Variants in GALNTL6 observed in about 807,000 individuals in gnomAD.
GALNTL6 encodes the protein polypeptide N-acetylgalactosaminyltransferase like 6, also known as polypeptide N-acetylgalactosaminyltransferase-like 6.
GALNTL6 carries 46 observed loss-of-function variants against 73.7 expected under a neutral mutation model. The observed-to-expected ratio is 0.62, with a 90% CI of 0.49 to 0.80. The LOEUF (loss-of-function observed/expected upper bound fraction) is 0.80, where lower values mean the gene tolerates loss of function less well. GALNTL6 is among the 30% of genes least tolerant of loss of function. The pLI is 0.00. For missense variants in GALNTL6, 604 were observed against 755.0 expected (o/e 0.80, Z 2.34); for synonymous variants, 259 against 263.7 (o/e 0.98, Z 0.17).
chr4:172,828,574 GA>G (rs202001873), intron 7 of GALNTL6, among the ~76,000 whole-genome samples: 2 of 151,918 alleles, frequency 1.3e-5, no homozygotes, highest in Non-Finnish European at 2.9e-5. Flanking sequence ...TAAAAAAAGA[GA>G]AAAAAACAGA....
intron 5 of GALNTL6, among the ~76,000 whole-genome samples, chr4:172,703,951 A>G (rs914098916): frequency 7.2e-5 from 11 of 151,970 alleles, no homozygotes; most frequent in African/African-American, 2.2e-4. Context: ...AAATTTATCT[A>G]TGTCTTCCTG....
intron 5 of GALNTL6, among the ~76,000 whole-genome samples, chr4:172,758,371 C>G (rs1372918116): frequency 2.0e-5 from 3 of 152,066 alleles, no homozygotes; most frequent in Non-Finnish European, 4.4e-5. Flanking sequence ...CCTGCCTCTA[C>G]TAAAAACACA....
At chr4:172,928,520 T>TTA (rs534075961) in intron 8 of GALNTL6, among the ~76,000 whole-genome samples, 618 of 152,324 alleles carry the variant, frequency 4.1e-3, no homozygotes, top group Non-Finnish European at 6.7e-3. Flanking sequence ...TCCATTTGAG[T>TTA]CATATGTTTA....
chr4:172,318,848 C>G (rs1343932673), intron 4 of GALNTL6, among the ~76,000 whole-genome samples: 2 of 151,994 alleles, frequency 1.3e-5, no homozygotes, highest in African/African-American at 4.8e-5. Context: ...TAAACTATGG[C>G]TGCTTCAAAA....
At chr4:172,549,543 T>G (rs4540001) in intron 5 of GALNTL6, among the ~76,000 whole-genome samples, 126,482 of 151,968 alleles carry the variant, frequency 0.83, 52,775 homozygotes, top group Non-Finnish European at 0.87. Flanking sequence ...AATCTAATTT[T>G]TAAAGGAAAT....
At chr4:171,905,808 G>A (rs1737258336) in intron 2 of GALNTL6, among the ~76,000 whole-genome samples, 1 of 151,644 alleles carries the variant, frequency 6.6e-6, no homozygotes, top group African/African-American at 2.4e-5. Flanking sequence ...AGACCACAGT[G>A]CAATCAAACT....
chr4:172,616,028 C>T (rs1407002482), intron 5 of GALNTL6, among the ~76,000 whole-genome samples: 2 of 152,130 alleles, frequency 1.3e-5, no homozygotes, highest in African/African-American at 4.8e-5. Context: ...CATGAAATGC[C>T]TAAGTTTTTG....
chr4:171,882,128 T>C (rs1736467239), intron 2 of GALNTL6, among the ~76,000 whole-genome samples: 2 of 152,212 alleles, frequency 1.3e-5, no homozygotes, highest in African/African-American at 4.8e-5. Flanking sequence ...GGAAATACAT[T>C]GAACATCTAT....
In GALNTL6 at chr4:171,814,536, C is replaced by T. The variant is rs974099999; in HGVS notation, c.-45C>T. The T allele has an allele frequency of 1.9e-6, 3 of 1,606,418 alleles. No individual in the cohort carries two copies. The African/African-American group carries it at 4.0e-5, about 22-fold the overall frequency. ...TTTGACATTAAACACAAGAAGCAGTCAGGGAGCCATCTCCTTTAACTTTTC... is the reference window on the plus strand; with the variant it reads ...TTTGACATTAAACACAAGAAGCAGTTAGGGAGCCATCTCCTTTAACTTTTC... On this transcript the variant is annotated 5_prime_UTR_variant, in exon 2 of 13. Coordinates refer to ENST00000506823, the MANE Select transcript of GALNTL6 (RefSeq NM_001034845.3).
At chr4:172,077,605 A>G (rs560044769) in intron 2 of GALNTL6, among the ~76,000 whole-genome samples, 1 of 152,316 alleles carries the variant, frequency 6.6e-6, no homozygotes, top group South Asian at 2.1e-4. Context: ...GTATATTTGT[A>G]TGTGTGAACA....
At chr4:172,810,372 G>A (rs758707868) in intron 6 of GALNTL6, among the ~76,000 whole-genome samples, 17 of 151,846 alleles carry the variant, frequency 1.1e-4, no homozygotes, top group South Asian at 6.2e-4. Flanking sequence ...TTGTCAGCTC[G>A]AAAACAAAAA....
intron 2 of GALNTL6, among the ~76,000 whole-genome samples, chr4:172,038,128 A>C (rs562963381): frequency 3.3e-5 from 5 of 151,586 alleles, no homozygotes; most frequent in African/African-American, 9.7e-5. Flanking sequence ...AAAAAAAAAA[A>C]CAAAAAAATT....
At chr4:172,959,180 T>G (rs114523620) in intron 10 of GALNTL6, among the ~76,000 whole-genome samples, 171 of 152,112 alleles carry the variant, frequency 1.1e-3, no homozygotes, top group African/African-American at 4.0e-3. Flanking sequence ...GATCGGTCAC[T>G]GAGGAGGGAG....
intron 5 of GALNTL6, among the ~76,000 whole-genome samples, chr4:172,406,129 TA>T (rs1421414721): frequency 1.3e-5 from 2 of 152,020 alleles, no homozygotes; most frequent in African/African-American, 4.8e-5. Flanking sequence ...TATAAGTGTA[TA>T]AGTATTATGT....
At chr4:172,816,069 A>G (rs1741588763) in intron 7 of GALNTL6, among the ~76,000 whole-genome samples, 1 of 152,218 alleles carries the variant, frequency 6.6e-6, no homozygotes, top group South Asian at 2.1e-4. Context: ...GCTTTAAGGT[A>G]CACAGAACGA....
intron 2 of GALNTL6, among the ~76,000 whole-genome samples, chr4:171,888,647 T>G (rs577962025): frequency 6.6e-6 from 1 of 152,082 alleles, no homozygotes; most frequent in Non-Finnish European, 1.5e-5. Flanking sequence ...ACCCCACTTT[T>G]CTTCAAACTT....
At chr4:171,815,059 T>C (rs1734488798) in intron 2 of GALNTL6, 3 of 410,124 alleles carry the variant, frequency 7.3e-6, no homozygotes, top group Middle Eastern at 6.2e-4. Flanking sequence ...GCAAGTTTAA[T>C]GACAAGGATA....
chr4:171,982,520 G>T (rs1009721383), intron 2 of GALNTL6, among the ~76,000 whole-genome samples: 1 of 151,954 alleles, frequency 6.6e-6, no homozygotes, highest in Non-Finnish European at 1.5e-5. Context: ...GGATGGTCTT[G>T]ATCTCCTGAC....
chr4:171,879,380 T>A (rs1007125290), intron 2 of GALNTL6, among the ~76,000 whole-genome samples: 1 of 152,154 alleles, frequency 6.6e-6, no homozygotes, highest in African/African-American at 2.4e-5. Context: ...TTTTCTACAT[T>A]TTTATAGAAC....
Sources: allele counts gnomAD v4.1 joint callset (sites outside exome capture counted in the v4.1 genomes callset), GRCh38; gene constraint gnomAD v4.1.1; transcripts MANE v1.5; gene names NCBI Gene and HGNC (gene_info 2026-07-23, HGNC 2026-07-21).